The following NACC2 variants were observed in gnomAD, a reference collection of about 807,000 sequenced individuals.
NACC2 encodes the protein NACC family member 2.
A neutral mutation model predicts 25.1 loss-of-function variants in NACC2; 8 were observed. The ratio of observed to expected loss-of-function variants is 0.32; its 90% CI spans 0.19 to 0.57. The LOEUF is 0.57. Ranked by LOEUF, NACC2 falls within the 20% of genes least tolerant of loss-of-function variation. The pLI, the probability that NACC2 is intolerant of heterozygous loss-of-function variation, is 0.89. For missense variants in NACC2, 644 were observed against 650.2 expected, an observed-to-expected ratio of 0.99 and a Z score of 0.10; for synonymous variants, 435 against 294.7, an observed-to-expected ratio of 1.48 and a Z score of -4.88.
rs73568818 is a variant in NACC2, at chr9:136,010,985, C to T, written c.*531G>A. On this transcript the variant is annotated 3_prime_UTR_variant, in exon 6 of 6. Coordinates refer to ENST00000277554, the MANE Select transcript of NACC2 (RefSeq NM_144653.5). This position sits in a 1 kb window ranked among gnomAD's most constrained non-coding sequence, Gnocchi z 4.9. ...ACACACCCCACACAGGTGGAAGGCCCGGTGGGCCTGGCCCCGAGTCTCCGA... is the reference window on the plus strand; with the variant it reads ...ACACACCCCACACAGGTGGAAGGCCTGGTGGGCCTGGCCCCGAGTCTCCGA... 0.04 allele frequency: 6,176 copies of T among 152,690 alleles called. 253 individuals are homozygous for T. Among genetic ancestry groups the T allele is most frequent in the African/African-American group, 0.1 (4,208 of 41,560 alleles). The allele number at this position is 152,690 out of a possible 1,614,324, so 9.5% of individuals were successfully genotyped here.
At chr9:136,027,034 G>A (rs1840402588) in intron 2 of NACC2, among the ~76,000 whole-genome samples, 2 of 152,226 alleles carry the variant, frequency 1.3e-5, no homozygotes, top group African/African-American at 4.8e-5. Context: ...TTCAAGACCA[G>A]CCTGGCCAAC....
intron 2 of NACC2, among the ~76,000 whole-genome samples, chr9:136,023,756 T>C (rs1040409266): frequency 1.3e-5 from 2 of 152,222 alleles, no homozygotes; most frequent in African/African-American, 2.4e-5. Flanking sequence ...TGTCCAGCCA[T>C]AGGCACAGGT....
chr9:136,032,716 G>A (rs188903690), intron 2 of NACC2, among the ~76,000 whole-genome samples: 1,534 of 152,278 alleles, frequency 0.01, 33 homozygotes, highest in Middle Eastern at 0.037. Context: ...ATCCAACATG[G>A]TGAAACCCCA....
At chr9:136,089,572 G>A (rs1255155080) in intron 1 of NACC2, among the ~76,000 whole-genome samples, 2 of 151,654 alleles carry the variant, frequency 1.3e-5, no homozygotes, top group Admixed American at 1.3e-4. Flanking sequence ...CCCTCGGGGT[G>A]CCCTCCCTCC....
intron 1 of NACC2, among the ~76,000 whole-genome samples, chr9:136,059,219 C>T (rs935302129): frequency 6.6e-6 from 1 of 152,224 alleles, no homozygotes; most frequent in African/African-American, 2.4e-5. Context: ...TTCCCCGGGA[C>T]TAGGGACACC....
intron 1 of NACC2, among the ~76,000 whole-genome samples, chr9:136,093,323 T>C (rs563006813): frequency 9.9e-5 from 15 of 152,124 alleles, no homozygotes; most frequent in East Asian, 1.9e-4. Flanking sequence ...AAAGGGAGGA[T>C]TGAAGAATTT....
At chr9:136,024,547 A>G (rs143285248) in intron 2 of NACC2, among the ~76,000 whole-genome samples, 17 of 121,016 alleles carry the variant, frequency 1.4e-4, no homozygotes, top group Non-Finnish European at 2.3e-4. Flanking sequence ...AGTGTGTGTG[A>G]GGACAGTGTG....
intron 1 of NACC2, among the ~76,000 whole-genome samples, chr9:136,051,861 G>A (rs1280965440): frequency 6.7e-6 from 1 of 149,892 alleles, no homozygotes; most frequent in Non-Finnish European, 1.5e-5. Flanking sequence ...GGCGGGGAGG[G>A]CGCAGGGAGC....
At chr9:136,072,250 A>C (rs999211382) in intron 1 of NACC2, among the ~76,000 whole-genome samples, 1 of 149,500 alleles carries the variant, frequency 6.7e-6, no homozygotes, top group Non-Finnish European at 1.5e-5. Context: ...AAAAGAAAAA[A>C]AAAAAAACCC....
intron 1 of NACC2, among the ~76,000 whole-genome samples, chr9:136,074,800 C>G (rs1295973957): frequency 6.6e-6 from 1 of 152,176 alleles, no homozygotes; most frequent in Non-Finnish European, 1.5e-5. Context: ...CCCAGCTCAC[C>G]TGCGGGGCTC....
intron 1 of NACC2, among the ~76,000 whole-genome samples, chr9:136,085,156 TTTTTTTTG>T (rs1355949684): frequency 9.2e-5 from 12 of 130,340 alleles, no homozygotes; most frequent in East Asian, 6.5e-4. Context: ...TTTTTTTTTT[TTTTTTTTG>T]GCGAGACTGA....
chr9:136,041,654 C>G (rs1840634620), intron 2 of NACC2, among the ~76,000 whole-genome samples: 1 of 152,002 alleles, frequency 6.6e-6, no homozygotes, highest in Admixed American at 6.6e-5. Context: ...TGGGGGATGA[C>G]AGAAATATTC....
At chr9:136,015,794 T>C (rs554801031) in intron 3 of NACC2, among the ~76,000 whole-genome samples, 26 of 152,344 alleles carry the variant, frequency 1.7e-4, no homozygotes, top group Admixed American at 8.5e-4. Context: ...CAAGGAGCTA[T>C]GACGCCAAAG....
At chr9:136,093,647 A>G (rs1830455684) in intron 1 of NACC2, among the ~76,000 whole-genome samples, 1 of 152,236 alleles carries the variant, frequency 6.6e-6, no homozygotes, top group Non-Finnish European at 1.5e-5. Context: ...CTTGGGTGGC[A>G]GCTCCTTTTA....
intron 2 of NACC2, among the ~76,000 whole-genome samples, chr9:136,021,028 A>G (rs1840283339): frequency 6.6e-6 from 1 of 152,186 alleles, no homozygotes; most frequent in African/African-American, 2.4e-5. Flanking sequence ...AATGGAAATG[A>G]TTGACGAGCT....
chr9:136,016,389 G>C lies in NACC2; in HGVS notation c.927C>G (p.Ser309=), dbSNP rs771369822. The C allele has an allele frequency of 9.9e-6, 16 of 1,611,310 alleles. No homozygotes were observed. The highest frequency in any genetic ancestry group is 1.3e-5 in the Non-Finnish European group (15 of 1,179,844). Residue 309 remains serine, a synonymous_variant, in exon 3 of 6, where the codon TCC becomes TCG. Coordinates refer to ENST00000277554, the MANE Select transcript of NACC2 (RefSeq NM_144653.5). ...KPEPVPLESR[S]CVLIRRDLVA... ...CGAGGTCGCGGCGGATGAGGACGCA[G>C]GAGCGGCTCTCCAGCGGCACTGGCT...
In NACC2 at chr9:136,013,114, C is replaced by T. The variant is rs183385557; in HGVS notation, c.1255+85G>A. On this transcript the variant is annotated intron_variant, in intron 5 of 5. Transcript: ENST00000277554. This position sits in a 1 kb window ranked among gnomAD's most constrained non-coding sequence, Gnocchi z 6.6. ...CGGAAGCTGCAGGTGGCCGGGAGCACCCCCGCGGCCCACCCAGTCCTCCTC... is the reference window on the plus strand; with the variant it reads ...CGGAAGCTGCAGGTGGCCGGGAGCATCCCCGCGGCCCACCCAGTCCTCCTC... 23 of 1,204,448 alleles carry T rather than the reference C, an allele frequency of 1.9e-5. No homozygotes were observed. The highest frequency in any genetic ancestry group is 4.2e-5 in the South Asian group (3 of 71,340). The allele number at this position is 1,204,448 out of a possible 1,614,324, so 74.6% of individuals were successfully genotyped here. A position where few individuals can be genotyped will look rare whatever the true frequency, so the allele number is the denominator to read the frequency against.
intron 1 of NACC2, among the ~76,000 whole-genome samples, chr9:136,058,647 G>A (rs1011236812): frequency 3.9e-5 from 6 of 152,190 alleles, no homozygotes; most frequent in African/African-American, 1.4e-4. Context: ...CACCACCTGA[G>A]TGACGAGCTC....
rs374112287 is a variant in NACC2, at chr9:136,016,344, G to A, written c.972C>T (p.Leu324=). The A allele has an allele frequency of 5.0e-6, 8 of 1,612,552 alleles. No individual in the cohort carries two copies. The highest frequency in any genetic ancestry group is 6.8e-6 in the Non-Finnish European group (8 of 1,180,022). ...RRDLVALPAS[L]ISQIGYRCHP... Reference sequence around the variant, plus strand: ...GGCAGCGGTATCCGATCTGGCTGATGAGGCTGGCAGGTAGGGCCACGAGGT... The same window carrying A: ...GGCAGCGGTATCCGATCTGGCTGATAAGGCTGGCAGGTAGGGCCACGAGGT... The change falls in exon 3 of 6, where the codon CTC becomes CTT. Residue 324 remains leucine (L), a synonymous_variant. Transcript: ENST00000277554.
Sources: gnomAD v4.1 joint callset for allele counts (sites outside exome capture counted in the v4.1 genomes callset) on GRCh38, gnomAD v4.1.1 for gene constraint, Gnocchi (gnomAD v3.1) non-coding constraint, MANE v1.5 for transcripts, NCBI Gene and HGNC (gene_info 2026-07-23, HGNC 2026-07-21) for gene names.